Variants in OSBPL2 observed in about 807,000 individuals in gnomAD.
OSBPL2 encodes the protein oxysterol binding protein like 2.
OSBPL2 carries 18 observed loss-of-function variants against 58.4 expected under a neutral mutation model. The ratio of observed to expected loss-of-function variants is 0.31; its 90% CI spans 0.21 to 0.46. OSBPL2 has a LOEUF of 0.46. Ranked by LOEUF, OSBPL2 falls within the 20% of genes least tolerant of loss-of-function variation. The pLI is 1.00. For missense variants in OSBPL2, 461 were observed against 616.5 expected (o/e 0.75, Z 2.67); for synonymous variants, 221 against 234.1 (o/e 0.94, Z 0.51).
intron 1 of OSBPL2, chr20:62,239,163 C>G (rs1979549160): frequency 6.6e-6 from 1 of 152,228 alleles, no homozygotes; most frequent in Non-Finnish European, 1.5e-5. Context: ...CACGTCGTCC[C>G]GGGGAGGGTG....
At chr20:62,242,321 A>C (rs1979786521) in intron 1 of OSBPL2, 1 of 152,224 alleles carries the variant, frequency 6.6e-6, no homozygotes, top group South Asian at 2.1e-4. Flanking sequence ...TTCCTTCCAG[A>C]TTCAGAAAAG....
At chr20:62,252,647 G>C (rs1682689717) in intron 1 of OSBPL2, among the ~76,000 whole-genome samples, 1 of 152,276 alleles carries the variant, frequency 6.6e-6, no homozygotes, top group Admixed American at 6.5e-5. Flanking sequence ...GCTGTTCCTG[G>C]GTTGCTATAA....
intron 1 of OSBPL2, among the ~76,000 whole-genome samples, chr20:62,240,028 T>G (rs568593872): frequency 1.3e-5 from 2 of 152,240 alleles, no homozygotes; most frequent in African/African-American, 4.8e-5. Flanking sequence ...AATTTTTTTA[T>G]TTTTAGTAGA....
rs147046073 is a variant in OSBPL2 at position 62,260,032 on chromosome 20, T to C, written c.89T>C (p.Val30Ala). The stretch of plus-strand genomic sequence containing the variant: ...GAATTTTCAGAGGCAAATCAGAAAG[T>C]CACGGGAATGATTGACTTAGACACC... Reference protein sequence around the residue: ...SGEFSEANQKVTGMIDLDTSK... With the variant: ...SGEFSEANQKATGMIDLDTSK... The change falls in exon 3 of 14, where the codon GTC (valine) becomes GCC (alanine). Residue 30 changes from valine to alanine, a missense_variant. By Grantham distance (64) the Val-to-Ala change is moderately conservative. Coordinates refer to ENST00000313733, the MANE Select transcript of OSBPL2 (RefSeq NM_144498.4). The C allele has an allele frequency of 4.3e-6, 7 of 1,613,618 alleles. No individual in the cohort carries two copies. The African/African-American group carries it at 9.3e-5, about 22-fold the overall frequency.
intron 4 of OSBPL2, among the ~76,000 whole-genome samples, chr20:62,266,453 A>G (rs1981663535): frequency 6.6e-6 from 1 of 152,214 alleles, no homozygotes; most frequent in Non-Finnish European, 1.5e-5. Flanking sequence ...TGGTGAGCTC[A>G]TGTCCCCATA....
rs1979481928 is a variant in OSBPL2, at chr20:62,238,540, A to ACGGGGCGGGGG, written c.-177_-167dup. The ACGGGGCGGGGG allele has an allele frequency of 6.7e-6, 1 of 148,970 alleles. No homozygotes were observed. Among genetic ancestry groups the ACGGGGCGGGGG allele is most frequent in the South Asian group, 2.0e-4 (1 of 4,918 alleles). 9.2% of individuals were successfully genotyped at this position (148,970 alleles called of 1,614,324 possible). On this transcript the variant is annotated 5_prime_UTR_variant, in exon 1 of 14. Transcript: ENST00000313733. ...CTCGGTGTCAGTGGGTCGCGGGCCT[A>ACGGGGCGGGGG]CGGGGCGGGGGCGGGGCGGCAGTGA...
rs1485073381 is a variant in OSBPL2, at chr20:62,263,825, G to A, written c.258+134G>A. ...TCACGCCTATAATCTCAGCACTTTG[G>A]GAGGCCGAGGTGGGCGGATCACGAG... On this transcript the variant is annotated intron_variant, in intron 4 of 13. Transcript: ENST00000313733. The A allele has an allele frequency of 9.6e-6, 7 of 732,562 alleles. No individual in the cohort carries two copies. The East Asian group carries it at 1.9e-4, about 20-fold the overall frequency. The allele number at this position is 732,562 out of a possible 1,614,324, so 45.4% of individuals were successfully genotyped here.
intron 1 of OSBPL2, among the ~76,000 whole-genome samples, chr20:62,250,637 C>T (rs533048315): frequency 1.3e-5 from 2 of 152,248 alleles, no homozygotes; most frequent in South Asian, 2.1e-4. Flanking sequence ...AAAAGGCTAG[C>T]GGGCCAGGTG....
At chr20:62,272,336 G>A (rs1011178037) in intron 5 of OSBPL2, 77 bp downstream of exon 5, 2 of 1,539,686 alleles carry the variant, frequency 1.3e-6, no homozygotes, top group African/African-American at 1.4e-5. Context: ...CAGTCTTGGG[G>A]CCCCAGGCAT....
chr20:62,245,321 G>C (rs1980028680), intron 1 of OSBPL2, among the ~76,000 whole-genome samples: 1 of 152,134 alleles, frequency 6.6e-6, no homozygotes, highest in Admixed American at 6.5e-5. Context: ...TTGAGCTCCT[G>C]ACCTCAAGTG....
chr20:62,250,649 A>C lies in OSBPL2; in HGVS notation c.-128-5408A>C, dbSNP rs1007457762. On this transcript the variant is annotated intron_variant, in intron 1 of 13. Transcript: ENST00000313733. ...TAAAAAAGGCTAGCGGGCCAGGTGCAGTGGCTCACATCTGGAGTCCCAGCA... is the reference window on the plus strand; with the variant it reads ...TAAAAAAGGCTAGCGGGCCAGGTGCCGTGGCTCACATCTGGAGTCCCAGCA... Among the ~76,000 whole-genome samples the C allele has an allele frequency of 2.0e-5, 3 of 152,284 alleles. No individual in the cohort carries two copies. The East Asian group carries it at 5.8e-4, about 29-fold the overall frequency.
At chr20:62,279,050 G>T (rs1178897646) in intron 6 of OSBPL2, 107 bp from the exon 7 acceptor site, 1 of 892,338 alleles carries the variant, frequency 1.1e-6, no homozygotes. Flanking sequence ...GGCATGGAGG[G>T]CCCCTGCTTC....
chr20:62,262,757 G>A (rs1191703683), intron 3 of OSBPL2, among the ~76,000 whole-genome samples: 1 of 152,168 alleles, frequency 6.6e-6, no homozygotes, highest in Non-Finnish European at 1.5e-5. Flanking sequence ...TCAGAGTGTT[G>A]GTGCCAAGGT....
At chr20:62,283,951 C>T (rs2145970331) in intron 9 of OSBPL2, 95 bp from the exon 10 acceptor site, 1 of 1,289,388 alleles carries the variant, frequency 7.8e-7, no homozygotes, top group Non-Finnish European at 1.1e-6. Flanking sequence ...CATAAGAAAA[C>T]ATACCTGAGG....
chr20:62,274,567 C>CT, intron 6 of OSBPL2, among the ~76,000 whole-genome samples: 1 of 152,358 alleles, frequency 6.6e-6, no homozygotes, highest in South Asian at 2.1e-4. Context: ...GCAGGGCACT[C>CT]TCGCTGCACC....
intron 9 of OSBPL2, chr20:62,282,237 A>C (rs182196955): frequency 9.8e-6 from 2 of 203,536 alleles, no homozygotes; most frequent in Middle Eastern, 2.3e-3. Context: ...TTTTCCTTCT[A>C]CCAGCACCCC....
intron 4 of OSBPL2, 72 bp from the exon 5 acceptor site, chr20:62,272,053 A>T: frequency 6.4e-7 from 1 of 1,570,984 alleles, no homozygotes; most frequent in Non-Finnish European, 8.7e-7. Flanking sequence ...GGATGCTCAG[A>T]GCAGGGGCAT....
intron 1 of OSBPL2, among the ~76,000 whole-genome samples, chr20:62,251,557 C>T (rs1329334923): frequency 6.6e-6 from 1 of 151,766 alleles, no homozygotes; most frequent in Non-Finnish European, 1.5e-5. Context: ...TACAGGCATG[C>T]GCCACCATGT....
chr20:62,265,736 CTA>C (rs766039342), intron 4 of OSBPL2, among the ~76,000 whole-genome samples: 14 of 152,026 alleles, frequency 9.2e-5, no homozygotes, highest in Non-Finnish European at 1.2e-4. Flanking sequence ...ACATTTTTGA[CTA>C]TGTGGATAAT....
Sources: gnomAD v4.1 joint callset for allele counts (sites outside exome capture counted in the v4.1 genomes callset) on GRCh38, gnomAD v4.1.1 for gene constraint, MANE v1.5 for transcripts, NCBI Gene and HGNC (gene_info 2026-07-23, HGNC 2026-07-21) for gene names.